Variants in KCNN2 observed in about 807,000 individuals in gnomAD.
KCNN2 encodes the protein small conductance calcium-activated potassium channel protein 2.
KCNN2 carries 24 observed loss-of-function variants against 55.5 expected under a neutral mutation model. The ratio of observed to expected loss-of-function variants is 0.43; its 90% CI spans 0.31 to 0.61. The LOEUF (loss-of-function observed/expected upper bound fraction) is 0.61. Ranked by LOEUF, KCNN2 falls within the 20% of genes least tolerant of loss-of-function variation. The probability of loss-of-function intolerance (pLI) is 0.08; values close to 1 mark genes in which losing one functional copy is unlikely to be tolerated. For synonymous variants in KCNN2, 431 were observed against 336.1 expected (o/e 1.28, Z -3.09); for missense variants, 754 against 853.6 (o/e 0.88, Z 1.45).
At chr5:114,355,807 A>G (rs1757285140) in intron 2 of KCNN2, among the ~76,000 whole-genome samples, 1 of 152,180 alleles carries the variant, frequency 6.6e-6, no homozygotes, top group Non-Finnish European at 1.5e-5. Context: ...AAAATTAGGA[A>G]TCTACAGGCT....
chr5:114,109,298 A>C (rs1463848888), intron 1 of KCNN2, among the ~76,000 whole-genome samples: 1 of 152,122 alleles, frequency 6.6e-6, no homozygotes, highest in East Asian at 1.9e-4. Context: ...AATGAAGAGA[A>C]TCAGTCATTA....
intron 2 of KCNN2, among the ~76,000 whole-genome samples, chr5:114,294,151 A>T (rs1418795859): frequency 6.6e-6 from 1 of 152,024 alleles, no homozygotes. Context: ...CAGCTCCTGG[A>T]TGCATTAATT....
intron 1 of KCNN2, among the ~76,000 whole-genome samples, chr5:114,136,191 AAG>A (rs781573606): frequency 6.6e-6 from 1 of 152,326 alleles, no homozygotes; most frequent in South Asian, 2.1e-4. Context: ...TGGGAACACT[AAG>A]AGGTGATTAG....
chr5:114,206,397 T>G (rs1753776872), intron 1 of KCNN2, among the ~76,000 whole-genome samples: 1 of 152,110 alleles, frequency 6.6e-6, no homozygotes, highest in Admixed American at 6.5e-5. Context: ...TATCCCAAAT[T>G]CCTCCAGCAG....
chr5:114,110,929 C>T (rs1751583460), intron 1 of KCNN2, among the ~76,000 whole-genome samples: 1 of 151,752 alleles, frequency 6.6e-6, no homozygotes, highest in South Asian at 2.1e-4. Flanking sequence ...GCACATTATT[C>T]CTACCCTCAG....
rs1047390947 is a variant in KCNN2, at chr5:114,090,028, G to A, written c.-271+33528G>A. ...TCATAGTTATGCCTCAAGAAAAGCT[G>A]GCAAGCTTGAATCAATGGATATCCC... On this transcript the variant is annotated intron_variant, in intron 1 of 10. Transcript: ENST00000512097. 3.9e-5 allele frequency among the ~76,000 whole-genome samples: 6 copies of A among 152,108 alleles called. No homozygotes were observed. In the East Asian group the frequency reaches 1.2e-3, roughly 29 times the overall value.
At chr5:114,273,527 C>G (rs1030963778) in intron 2 of KCNN2, among the ~76,000 whole-genome samples, 1 of 152,166 alleles carries the variant, frequency 6.6e-6, no homozygotes, top group Non-Finnish European at 1.5e-5. Context: ...TGTTTCCTGA[C>G]TTTTTAATGA....
chr5:114,357,015 T>C (rs935836612), intron 2 of KCNN2, among the ~76,000 whole-genome samples: 2 of 152,074 alleles, frequency 1.3e-5, no homozygotes, highest in Non-Finnish European at 2.9e-5. Context: ...ATATTGTAGT[T>C]GACTCACCCA....
chr5:114,312,296 A>C (rs1333626195), intron 2 of KCNN2, among the ~76,000 whole-genome samples: 1 of 150,412 alleles, frequency 6.6e-6, no homozygotes, highest in African/African-American at 2.5e-5. Context: ...CAATGCAATA[A>C]ATTACTTCTT....
chr5:114,421,043 C>T (rs987725218), intron 3 of KCNN2, among the ~76,000 whole-genome samples: 2 of 152,168 alleles, frequency 1.3e-5, no homozygotes, highest in Non-Finnish European at 2.9e-5. Context: ...TTCTTGAATG[C>T]TGCAGATTTT....
intron 1 of KCNN2, among the ~76,000 whole-genome samples, chr5:114,170,392 T>A (rs1436091228): frequency 6.6e-6 from 1 of 152,080 alleles, no homozygotes; most frequent in Non-Finnish European, 1.5e-5. Flanking sequence ...AGTGGCATAA[T>A]GTTAATGACT....
At chr5:114,482,002 G>T (rs1227523750) in intron 5 of KCNN2, among the ~76,000 whole-genome samples, 2 of 152,070 alleles carry the variant, frequency 1.3e-5, no homozygotes, top group Non-Finnish European at 2.9e-5. Context: ...AATGCCAAAA[G>T]CAATTGCAAC....
At chr5:114,117,516 A>C (rs1443138267) in intron 1 of KCNN2, among the ~76,000 whole-genome samples, 1 of 152,230 alleles carries the variant, frequency 6.6e-6, no homozygotes, top group East Asian at 1.9e-4. Context: ...CTTGGGTGAC[A>C]ACAGTCTGCC....
At chr5:114,478,350 AGAAT>A (rs1003383481) in intron 5 of KCNN2, among the ~76,000 whole-genome samples, 3 of 152,202 alleles carry the variant, frequency 2.0e-5, no homozygotes, top group African/African-American at 7.2e-5. Flanking sequence ...TTTAATGAAA[AGAAT>A]GAATGAAAAA....
intron 1 of KCNN2, among the ~76,000 whole-genome samples, chr5:114,194,976 C>G (rs563774612): frequency 5.3e-5 from 8 of 151,510 alleles, no homozygotes; most frequent in Non-Finnish European, 1.2e-4. Flanking sequence ...TGTCTTGGCA[C>G]CATTGTGCAA....
chr5:114,438,785 CT>C (rs932071915), intron 3 of KCNN2, among the ~76,000 whole-genome samples: 17 of 152,136 alleles, frequency 1.1e-4, no homozygotes, highest in African/African-American at 3.6e-4. Flanking sequence ...CTATTTTCCC[CT>C]ATTTGCCTGT....
At chr5:114,483,713 C>CTGTGTGTGTGTGTG in intron 5 of KCNN2, among the ~76,000 whole-genome samples, 1 of 148,342 alleles carries the variant, frequency 6.7e-6, no homozygotes, top group East Asian at 2.0e-4. Context: ...TATTTTTCAA[C>CTGTGTGTGTGTGTG]TGTGTGTGTG....
rs769971912 is a variant in KCNN2 at position 114,463,028 on chromosome 5, G to GT, written c.1638-17dup. On this transcript the variant is annotated intron_variant, in intron 3 of 7. Transcript: ENST00000673685. ...ATTGGAGATTAATTATAAAGGACTG[G>GT]TTTTGTTTGCTGTTTTTCAGGTACC... 4 of 1,608,684 alleles carry GT rather than the reference G, an allele frequency of 2.5e-6. No homozygotes were observed. The South Asian group carries it at 4.5e-5, about 18-fold the overall frequency.
chr5:114,122,899 G>A (rs2112599171), intron 1 of KCNN2, among the ~76,000 whole-genome samples: 1 of 152,294 alleles, frequency 6.6e-6, no homozygotes, highest in East Asian at 1.9e-4. Flanking sequence ...CTTGTAAGTA[G>A]AAGAAGAACA....
Sources: gnomAD v4.1 joint callset for allele counts (sites outside exome capture counted in the v4.1 genomes callset) on GRCh38, gnomAD v4.1.1 for gene constraint, MANE v1.5 for transcripts, NCBI Gene and HGNC (gene_info 2026-07-23, HGNC 2026-07-21) for gene names.